ASCC2: variants seen among roughly 807,000 people sequenced by gnomAD.
ASCC2 encodes the protein ASC-1 complex subunit P100.
ASCC2 carries 42 observed loss-of-function variants against 93.5 expected under a neutral mutation model. The ratio of observed to expected loss-of-function variants is 0.45; its 90% confidence interval spans 0.35 to 0.58. ASCC2 has a LOEUF of 0.58. ASCC2 is among the 20% of genes least tolerant of loss of function. ASCC2 has a pLI of 0.00. For missense variants in ASCC2, 859 were observed against 977.6 expected (o/e 0.88, Z 1.62); for synonymous variants, 364 against 384.2 (o/e 0.95, Z 0.62).
At chr22:29,793,299 G>A (rs1214592522) in intron 17 of ASCC2, 61 bp downstream of exon 17, 20 of 1,600,906 alleles carry the variant, frequency 1.2e-5, no homozygotes, top group African/African-American at 4.0e-5. Context: ...AAGTGGGTGA[G>A]GGAGCCCCAT....
chr22:29,817,892 G>A (rs2061050498), intron 5 of ASCC2, among the ~76,000 whole-genome samples: 1 of 152,150 alleles, frequency 6.6e-6, no homozygotes, highest in Admixed American at 6.5e-5. Flanking sequence ...GGTGAATGGA[G>A]ATACTGCCAA....
chr22:29,808,296 A>T (rs2059913825), intron 8 of ASCC2, 111 bp from the exon 9 acceptor site: 4 of 1,127,472 alleles, frequency 3.5e-6, no homozygotes, highest in Non-Finnish European at 5.1e-6. Flanking sequence ...TTTTCCACAC[A>T]ATTTTCTCCA....
chr22:29,791,911 C>A (rs561846898), intron 18 of ASCC2, among the ~76,000 whole-genome samples: 1 of 152,346 alleles, frequency 6.6e-6, no homozygotes, highest in Admixed American at 6.5e-5. Context: ...CCAGAAACAT[C>A]TGAATTTGTC....
At chr22:29,829,494 G>A (rs370590079) in intron 2 of ASCC2, among the ~76,000 whole-genome samples, 1 of 152,102 alleles carries the variant, frequency 6.6e-6, no homozygotes. Context: ...AGGCCAAGGC[G>A]GGCGGATCAC....
chr22:29,790,609 G>A (rs1000912406), intron 18 of ASCC2, 61 bp from the exon 19 acceptor site: 19 of 1,530,312 alleles, frequency 1.2e-5, no homozygotes, highest in East Asian at 6.8e-5. Context: ...CCTAAGCGGC[G>A]ATGAGGCCCT....
intron 15 of ASCC2, among the ~76,000 whole-genome samples, chr22:29,796,874 G>A (rs143351325): frequency 3.8e-4 from 58 of 152,248 alleles, no homozygotes; most frequent in Non-Finnish European, 7.1e-4. Context: ...CTACACCTTC[G>A]GCTTCTGGTC....
chr22:29,797,644 CA>C, intron 15 of ASCC2, among the ~76,000 whole-genome samples: 1 of 152,228 alleles, frequency 6.6e-6, no homozygotes, highest in South Asian at 2.1e-4. Flanking sequence ...GCAGATCCAG[CA>C]CTTTCTGGGC....
At chr22:29,792,037 T>C (rs1395231538) in intron 18 of ASCC2, among the ~76,000 whole-genome samples, 1 of 152,212 alleles carries the variant, frequency 6.6e-6, no homozygotes, top group Non-Finnish European at 1.5e-5. Context: ...AAAGTTTAGC[T>C]GCTAAAAAGT....
At chr22:29,809,672 G>A (rs1030146000) in intron 8 of ASCC2, among the ~76,000 whole-genome samples, 28 of 151,756 alleles carry the variant, frequency 1.8e-4, no homozygotes, top group African/African-American at 6.8e-4. Flanking sequence ...CCAGCTACTC[G>A]GGAGGCTGAG....
Position 29,827,757 on chromosome 22 carries a change from G to GACACACACACACAC in ASCC2, c.82-1991_82-1978dup, listed in dbSNP as rs35763537. On this transcript the variant is annotated intron_variant, in intron 2 of 19. Coordinates refer to ENST00000307790, the MANE Select transcript of ASCC2 (RefSeq NM_032204.5). ...CTCAGGCCAGGCTACTCATTCTCCCGACACACACACACACACACACACACA... is the reference window on the plus strand; with the variant it reads ...CTCAGGCCAGGCTACTCATTCTCCCGACACACACACACACACACACACACACACACACACACACA... Among the ~76,000 whole-genome samples, 200 of 100,982 alleles carry GACACACACACACAC rather than the reference G, an allele frequency of 2.0e-3. 2 individuals carry two copies. Among genetic ancestry groups the GACACACACACACAC allele is most frequent in the African/African-American group, 7.3e-3 (185 of 25,262 alleles). The allele number at this position is 100,982 out of a possible 152,430, so 66.2% of individuals were successfully genotyped here. A position where few individuals can be genotyped will look rare whatever the true frequency, so the allele number is the denominator to read the frequency against.
At position 29,831,047 on chromosome 22, in the gene ASCC2, G is replaced by A. The variant is rs192853701; in HGVS notation, c.81+1198C>T. Among the ~76,000 whole-genome samples the A allele has an allele frequency of 8.8e-3, 1,334 of 152,116 alleles. 20 individuals carry two copies. Among genetic ancestry groups the A allele is most frequent in the Middle Eastern group, 0.014 (4 of 294 alleles). ...ATCTGTGCTGGCACTCACCACATGG[G>A]GCTATTTTAATTTAAAAGCATTACA... On this transcript the variant is annotated intron_variant, in intron 2 of 19. Transcript: ENST00000307790.
chr22:29,805,696 G>A (rs2059596086), intron 12 of ASCC2, among the ~76,000 whole-genome samples: 1 of 152,074 alleles, frequency 6.6e-6, no homozygotes, highest in South Asian at 2.1e-4. Context: ...ACACGTCTGT[G>A]GCTCTAAGGA....
chr22:29,793,804 C>G (rs2058079472), intron 15 of ASCC2, 128 bp from the exon 16 acceptor site: 1 of 868,220 alleles, frequency 1.2e-6, no homozygotes. Context: ...CAAATGAAAT[C>G]AAGCATTGGT....
chr22:29,819,844 A>G (rs2061344719), intron 5 of ASCC2, among the ~76,000 whole-genome samples: 1 of 152,162 alleles, frequency 6.6e-6, no homozygotes, highest in African/African-American at 2.4e-5. Context: ...ATATGTGGTA[A>G]AATTACTAGG....
chr22:29,829,174 C>CAA (rs200530011), intron 2 of ASCC2, among the ~76,000 whole-genome samples: 2 of 149,154 alleles, frequency 1.3e-5, no homozygotes, highest in African/African-American at 4.9e-5. Flanking sequence ...GACTCCACCT[C>CAA]AAAAAAAAAA....
chr22:29,826,966 C>T (rs529062580), intron 2 of ASCC2, among the ~76,000 whole-genome samples: 31 of 151,810 alleles, frequency 2.0e-4, no homozygotes, highest in African/African-American at 6.3e-4. Flanking sequence ...GGCATGGTGG[C>T]GGGCGCCTGT....
chr22:29,835,026 G>C (rs2094924122), intron 1 of ASCC2, among the ~76,000 whole-genome samples: 1 of 152,074 alleles, frequency 6.6e-6, no homozygotes, highest in South Asian at 2.1e-4. Flanking sequence ...AAGTCAGGAG[G>C]AGGAGGCAAG....
intron 6 of ASCC2, 37 bp from the exon 7 acceptor site, chr22:29,814,804 T>G: frequency 6.4e-7 from 1 of 1,564,240 alleles, no homozygotes; most frequent in Non-Finnish European, 8.8e-7. Flanking sequence ...CACATCATAC[T>G]GAACCAGGGC....
chr22:29,817,399 C>A (rs2060988976), intron 5 of ASCC2, among the ~76,000 whole-genome samples: 1 of 151,764 alleles, frequency 6.6e-6, no homozygotes, highest in East Asian at 1.9e-4. Flanking sequence ...GTATCCCAGG[C>A]CACCCTTTCC....
Sources: allele counts gnomAD v4.1 joint callset (sites outside exome capture counted in the v4.1 genomes callset), GRCh38; gene constraint gnomAD v4.1.1; transcripts MANE v1.5; gene names NCBI Gene and HGNC (gene_info 2026-07-23, HGNC 2026-07-21).